The following EYS variants were observed in gnomAD, a reference collection of about 807,000 sequenced individuals.
EYS encodes the protein EGF-like photoreceptor maintenance factor, also known as protein eyes shut homolog.
EYS carries 250 observed loss-of-function variants against 282.1 expected under a neutral mutation model. That is an observed-to-expected ratio of 0.89 (90% CI 0.80 to 0.98). The LOEUF is 0.98. EYS is among the 50% of genes least tolerant of loss of function. The pLI is 0.00. For synonymous variants in EYS, 1,355 were observed against 1,282.9 expected (o/e 1.06, Z -1.20); for missense variants, 4,016 against 3,709.0 (o/e 1.08, Z -2.15).
intron 31 of EYS, among the ~76,000 whole-genome samples, chr6:64,213,535 A>G (rs1765846431): frequency 6.6e-6 from 1 of 152,184 alleles, no homozygotes; most frequent in South Asian, 2.1e-4. Context: ...TGTAAAAATT[A>G]TTACATTTAT....
chr6:64,220,820 CA>C (rs1429193973), intron 31 of EYS, among the ~76,000 whole-genome samples: 3 of 152,054 alleles, frequency 2.0e-5, no homozygotes, highest in Admixed American at 1.3e-4. Context: ...TAGAATAGTT[CA>C]AAAAGCTTGG....
intron 29 of EYS, among the ~76,000 whole-genome samples, chr6:64,371,358 G>A (rs1300963050): frequency 7.6e-6 from 1 of 131,928 alleles, no homozygotes; most frequent in African/African-American, 2.9e-5. Context: ...TATTTTTATT[G>A]TGCCATATTC....
chr6:65,498,165 G>C (rs1000466382), intron 2 of EYS, among the ~76,000 whole-genome samples: 3 of 151,996 alleles, frequency 2.0e-5, no homozygotes, highest in African/African-American at 4.8e-5. Context: ...GGAGAAGTCT[G>C]ATTCACTTGT....
intron 12 of EYS, among the ~76,000 whole-genome samples, chr6:65,179,013 T>C (rs1350308032): frequency 1.3e-5 from 2 of 151,870 alleles, no homozygotes; most frequent in Non-Finnish European, 1.5e-5. Flanking sequence ...TTGAAACCAA[T>C]GAGAACAAAG....
chr6:63,822,329 T>TAATGAAC (rs1417116193), intron 36 of EYS: 2 of 152,210 alleles, frequency 1.3e-5, no homozygotes, highest in Non-Finnish European at 2.9e-5. Context: ...GCCAGGCTGG[T>TAATGAAC]AATGAACTCC....
In EYS at chr6:65,415,773, T is replaced by A. The variant is rs575978518; in HGVS notation, c.863-10406A>T. Among the ~76,000 whole-genome samples, 72 of 152,052 alleles carry A rather than the reference T, an allele frequency of 4.7e-4. 1 individual carries two copies. The South Asian group carries it at 7.9e-3, about 17-fold the overall frequency. On this transcript the variant is annotated intron_variant, in intron 5 of 42. Transcript: ENST00000503581. ...GAAGTCTAATGAAAGGGGTGGAAGT[T>A]TGAGCAAGGAAGAGACGTAATAAAT...
At chr6:64,300,572 G>C (rs1275067615) in intron 30 of EYS, among the ~76,000 whole-genome samples, 1 of 152,190 alleles carries the variant, frequency 6.6e-6, no homozygotes, top group African/African-American at 2.4e-5. Context: ...CCATGAATTA[G>C]TTGAGGAGCA....
chr6:64,493,979 G>A lies in EYS; in HGVS notation c.5645-54627C>T, dbSNP rs1268531064. Among the ~76,000 whole-genome samples the A allele has an allele frequency of 4.6e-5, 7 of 151,590 alleles. No individual in the cohort carries two copies. The Admixed American group carries it at 4.6e-4, about 10-fold the overall frequency. ...GTCAAAGGGACTAAGGGGTCCTGAA[G>A]GAAGGTATTATTTCAGCTTATTTTG... On this transcript the variant is annotated intron_variant, in intron 26 of 42. Coordinates refer to ENST00000503581, the MANE Select transcript of EYS (RefSeq NM_001142800.2).
chr6:63,922,317 C>T (rs1764593990), intron 35 of EYS, among the ~76,000 whole-genome samples: 1 of 152,190 alleles, frequency 6.6e-6, no homozygotes, highest in South Asian at 2.1e-4. Context: ...AATCCCAGAA[C>T]TTTGGGAGGC....
intron 31 of EYS, among the ~76,000 whole-genome samples, chr6:64,153,107 A>C (rs981306030): frequency 6.6e-6 from 1 of 152,190 alleles, no homozygotes; most frequent in African/African-American, 2.4e-5. Context: ...CTTTACATCC[A>C]TTAACAGTTA....
chr6:65,646,417 C>T (rs920499122), intron 1 of EYS, among the ~76,000 whole-genome samples: 9 of 152,030 alleles, frequency 5.9e-5, no homozygotes, highest in Non-Finnish European at 1.2e-4. Flanking sequence ...GAATTAAAAA[C>T]GAAAGTCACA....
intron 35 of EYS, among the ~76,000 whole-genome samples, chr6:63,941,200 G>A (rs1765229284): frequency 6.6e-6 from 1 of 152,154 alleles, no homozygotes; most frequent in Admixed American, 6.5e-5. Flanking sequence ...TATATACCCA[G>A]TAATGGGATG....
chr6:64,520,703 T>A (rs183329887), intron 26 of EYS, among the ~76,000 whole-genome samples: 32 of 151,800 alleles, frequency 2.1e-4, no homozygotes, highest in African/African-American at 7.2e-4. Flanking sequence ...TACAACATTT[T>A]AAAATTTTTT....
intron 11 of EYS, among the ~76,000 whole-genome samples, chr6:65,301,692 C>T (rs1415676231): frequency 6.6e-6 from 1 of 152,266 alleles, no homozygotes; most frequent in African/African-American, 2.4e-5. Context: ...ACTCCCACCC[C>T]TGGCCCTCAG....
intron 24 of EYS, among the ~76,000 whole-genome samples, chr6:64,609,719 C>T (rs1400954806): frequency 6.6e-6 from 1 of 151,814 alleles, no homozygotes; most frequent in Non-Finnish European, 1.5e-5. Context: ...CTCATCTCTA[C>T]AAAAAATATT....
At chr6:65,231,082 TG>T in intron 12 of EYS, among the ~76,000 whole-genome samples, 2 of 142,474 alleles carry the variant, frequency 1.4e-5, no homozygotes, top group South Asian at 4.3e-4. Context: ...TATATATATA[TG>T]TGTATATATA....
At chr6:65,339,354 C>T (rs929969672) in intron 10 of EYS, among the ~76,000 whole-genome samples, 2 of 151,038 alleles carry the variant, frequency 1.3e-5, no homozygotes, top group East Asian at 2.0e-4. Flanking sequence ...TTGTTGGTTT[C>T]GCTTTCCATG....
At chr6:64,178,861 A>G (rs1177018341) in intron 31 of EYS, among the ~76,000 whole-genome samples, 1 of 152,076 alleles carries the variant, frequency 6.6e-6, no homozygotes, top group Non-Finnish European at 1.5e-5. Flanking sequence ...ACCTAAATTT[A>G]TAAACCAAGT....
chr6:63,971,250 A>G (rs574883364), intron 35 of EYS, among the ~76,000 whole-genome samples: 3 of 152,260 alleles, frequency 2.0e-5, no homozygotes, highest in South Asian at 4.1e-4. Context: ...TGTCAGTGTG[A>G]TTTGCTCCAT....
Sources: gnomAD v4.1 joint callset for allele counts (sites outside exome capture counted in the v4.1 genomes callset) on GRCh38, gnomAD v4.1.1 for gene constraint, MANE v1.5 for transcripts, NCBI Gene and HGNC (gene_info 2026-07-23, HGNC 2026-07-21) for gene names.